OR8G1: variants seen among roughly 807,000 people sequenced by gnomAD.
OR8G1 encodes olfactory receptor family 8 subfamily G member 1, also known as olfactory receptor 8G1.
For synonymous variants in OR8G1, 129 were observed against 133.3 expected (o/e 0.97, Z 0.22); for missense variants, 372 against 356.2 (o/e 1.04, Z -0.36).
intron 2 of OR8G1, among the ~76,000 whole-genome samples, chr11:124,249,001 G>A (rs1231186460): frequency 1.3e-5 from 2 of 151,996 alleles, no homozygotes; most frequent in African/African-American, 4.8e-5. Context: ...GCAAACATAG[G>A]CACTTTGAGT....
intron 1 of OR8G1, among the ~76,000 whole-genome samples, chr11:124,245,583 G>C (rs376534558): frequency 7.0e-6 from 1 of 142,286 alleles, no homozygotes; most frequent in East Asian, 2.0e-4. Context: ...CCTGAGGAAT[G>C]GCCACACTGA....
chr11:124,244,794 A>T (rs1446364703), intron 1 of OR8G1, among the ~76,000 whole-genome samples: 1 of 151,826 alleles, frequency 6.6e-6, no homozygotes. Context: ...GCTAAATTGA[A>T]TTTTTTTCAT....
intron 1 of OR8G1, among the ~76,000 whole-genome samples, chr11:124,246,497 C>T (rs12269864): frequency 6.6e-5 from 10 of 151,646 alleles, no homozygotes; most frequent in African/African-American, 2.2e-4. Context: ...ATTACTAAAT[C>T]GTAATTGATA....
intron 1 of OR8G1, among the ~76,000 whole-genome samples, chr11:124,244,015 G>A (rs986631900): frequency 5.3e-5 from 8 of 149,998 alleles, no homozygotes; most frequent in Non-Finnish European, 8.9e-5. Flanking sequence ...AGAGAACAAG[G>A]AAAGGATGGA....
intron 2 of OR8G1, among the ~76,000 whole-genome samples, chr11:124,248,457 A>T (rs893537873): frequency 6.6e-6 from 1 of 151,658 alleles, no homozygotes; most frequent in Admixed American, 6.6e-5. Context: ...ATCTCAAAGA[A>T]TTTCTCTAGC....
In OR8G1 at chr11:124,253,354, G is replaced by A. The variant is rs770739953; in HGVS notation, c.*2743G>A. On this transcript the variant is annotated 3_prime_UTR_variant, in exon 3 of 3. Transcript: ENST00000641972. ...GAGTATTGCTTGGGTCCAGGAAGTT[G>A]GGGCTGCAGTGAGCCTTGATTGTGC... is the stretch of plus-strand genomic sequence containing the variant. 1 of 152,130 alleles carries A rather than the reference G, an allele frequency of 6.6e-6. No homozygotes were observed. The highest frequency in any genetic ancestry group is 6.5e-5 in the Admixed American group (1 of 15,268). 9.4% of individuals were successfully genotyped at this position (152,130 alleles called of 1,614,324 possible). A position where few individuals can be genotyped will look rare whatever the true frequency, so the allele number is the denominator to read the frequency against.
chr11:124,250,537 C>A lies in OR8G1; in HGVS notation c.862C>A (p.Leu288Met). Residue 288 changes from leucine to methionine, a missense_variant, in exon 3 of 3, where the codon CTG becomes ATG. Physicochemically the swap from Leu to Met is conservative, Grantham distance 15 (BLOSUM62 2). Coordinates refer to ENST00000641972, the MANE Select transcript of OR8G1 (RefSeq NM_001002905.2). ...TATTATTGTGCCCATGTTGAACCCT[C>A]TGATTTATAGCCTGAGGAATAAAGA... ...YTIIVPMLNP[L>M]IYSLRNKDVH... 2.6e-6 allele frequency: 3 copies of A among 1,173,056 alleles called. No individual in the cohort carries two copies. The highest frequency in any genetic ancestry group is 2.2e-5 in the South Asian group (1 of 45,290). The allele number at this position is 1,173,056 out of a possible 1,614,324, so 72.7% of individuals were successfully genotyped here. A position where few individuals can be genotyped will look rare whatever the true frequency, so the allele number is the denominator to read the frequency against.
rs1861887389 is a variant in OR8G1 at position 124,254,008 on chromosome 11, G to A, written c.*3397G>A. ...GAATAATGCTACAATAAACATGGGA[G>A]TGCAGATATTTCTTTGACGTGCTGA... is the stretch of plus-strand genomic sequence containing the variant. On this transcript the variant is annotated 3_prime_UTR_variant, in exon 3 of 3. Transcript: ENST00000641972. 6.6e-6 allele frequency: 1 copy of A among 152,168 alleles called. No individual in the cohort carries two copies. Among genetic ancestry groups the A allele is most frequent in the Non-Finnish European group, 1.5e-5 (1 of 68,020 alleles). 9.4% of individuals were successfully genotyped at this position (152,168 alleles called of 1,614,324 possible). A position where few individuals can be genotyped will look rare whatever the true frequency, so the allele number is the denominator to read the frequency against.
chr11:124,244,329 C>T (rs1861791364), intron 1 of OR8G1, among the ~76,000 whole-genome samples: 1 of 151,886 alleles, frequency 6.6e-6, no homozygotes, highest in Admixed American at 6.6e-5. Flanking sequence ...TTTTTACATT[C>T]ATCAATTTTT....
rs1861878432 is a variant in OR8G1 at position 124,252,988 on chromosome 11, C to G, written c.*2377C>G. On this transcript the variant is annotated 3_prime_UTR_variant, in exon 3 of 3. Transcript: ENST00000641972. ...GGAAGTGCTGGTAAAATTGAACCAC[C>G]ATTGCTCATACCAGCTTTTCAATAA... 6.6e-6 allele frequency: 1 copy of G among 152,148 alleles called. No individual in the cohort carries two copies. The highest frequency in any genetic ancestry group is 2.4e-5 in the African/African-American group (1 of 41,442). The allele number at this position is 152,148 out of a possible 1,614,324, so 9.4% of individuals were successfully genotyped here.
chr11:124,253,655 T>C lies in OR8G1; in HGVS notation c.*3044T>C, dbSNP rs1020778963. ...ATTACTATAGTTACCATTTATACAATAGTTTTTAACTTATTCCTTCTATCT... is the reference window on the plus strand; with the variant it reads ...ATTACTATAGTTACCATTTATACAACAGTTTTTAACTTATTCCTTCTATCT... On this transcript the variant is annotated 3_prime_UTR_variant, in exon 3 of 3. Transcript: ENST00000641972. 2 of 113,694 alleles carry C rather than the reference T, an allele frequency of 1.8e-5. No individual in the cohort carries two copies. Among genetic ancestry groups the C allele is most frequent in the Non-Finnish European group, 4.2e-5 (2 of 48,126 alleles). The allele number at this position is 113,694 out of a possible 1,614,324, so 7.0% of individuals were successfully genotyped here.
Position 124,254,304 on chromosome 11 carries a change from A to G in OR8G1, c.*3693A>G, listed in dbSNP as rs564679318. ...GATTTGTAATTTTGAACACTTTTTCATATACCTGTTGACCATTTTTATGTC... is the reference window on the plus strand; with the variant it reads ...GATTTGTAATTTTGAACACTTTTTCGTATACCTGTTGACCATTTTTATGTC... On this transcript the variant is annotated 3_prime_UTR_variant, in exon 3 of 3. Coordinates refer to ENST00000641972, the MANE Select transcript of OR8G1 (RefSeq NM_001002905.2). 3.3e-5 allele frequency: 5 copies of G among 152,246 alleles called. No homozygotes were observed. In the South Asian group the frequency reaches 1.0e-3, roughly 32 times the overall value. The allele number at this position is 152,246 out of a possible 1,614,324, so 9.4% of individuals were successfully genotyped here. A position where few individuals can be genotyped will look rare whatever the true frequency, so the allele number is the denominator to read the frequency against.
At chr11:124,244,408 C>T (rs1336673432) in intron 1 of OR8G1, among the ~76,000 whole-genome samples, 1 of 151,864 alleles carries the variant, frequency 6.6e-6, no homozygotes, top group Non-Finnish European at 1.5e-5. Flanking sequence ...AATTGATAAA[C>T]ACTGTTTGTG....
At chr11:124,244,120 G>A (rs915849110) in intron 1 of OR8G1, among the ~76,000 whole-genome samples, 2 of 151,196 alleles carry the variant, frequency 1.3e-5, no homozygotes. Flanking sequence ...GAGGGAGAGA[G>A]AGATGGAGAG....
Position 124,247,863 on chromosome 11 carries a change from C to T in OR8G1, c.-34C>T, listed in dbSNP as rs1861827385. 1.3e-5 allele frequency: 2 copies of T among 151,708 alleles called. No individual in the cohort carries two copies. Among genetic ancestry groups the T allele is most frequent in the Admixed American group, 6.6e-5 (1 of 15,186 alleles). The allele number at this position is 151,708 out of a possible 1,614,324, so 9.4% of individuals were successfully genotyped here. ...TTGTATAAATCTTCATGTAGACAAA[C>T]GTTTACATTTTTCTTGGGTAAGTAC... On this transcript the variant is annotated 5_prime_UTR_variant, in exon 2 of 3. In the 5' UTR this introduces an upstream ATG that the reference lacks. Transcript: ENST00000641972.
At position 124,250,508 on chromosome 11, in the gene OR8G1, A is replaced by T; in HGVS notation, c.833A>T (p.Tyr278Phe). 3 of 1,613,544 alleles carry T rather than the reference A, an allele frequency of 1.9e-6. No homozygotes were observed. The African/African-American group carries it at 4.0e-5, about 22-fold the overall frequency. ...CAGGGGAAAGTATCCTCTGTGTTTT[A>T]TACTATTATTGTGCCCATGTTGAAC... ...MDQGKVSSVF[Y>F]TIIVPMLNPL... Residue 278 changes from tyrosine to phenylalanine, a missense_variant, in exon 3 of 3, where the codon TAT becomes TTT. Physicochemically the swap from Tyr to Phe is conservative, Grantham distance 22. Transcript: ENST00000641972.
At position 124,250,287 on chromosome 11, in the gene OR8G1, A is replaced by G. The variant is rs78958767; in HGVS notation, c.612A>G (p.Ala204=). ...AACTACTTATTCTATGTGTTGGTGC[A>G]TTTAACATCCTTGTCCCCAGCCTGA... ...VNKLLILCVG[A]FNILVPSLTI... is the part of the protein sequence containing the mutation. Residue 204 remains alanine, a synonymous_variant, in exon 3 of 3, where the codon GCA becomes GCG. Transcript: ENST00000641972. 1.4e-3 allele frequency: 2,216 copies of G among 1,613,740 alleles called. 14 individuals are homozygous for G. In the African/African-American group the frequency reaches 0.025, roughly 18 times the overall value.
chr11:124,243,451 C>A (rs1242803930), intron 1 of OR8G1, among the ~76,000 whole-genome samples: 2 of 151,854 alleles, frequency 1.3e-5, no homozygotes. Context: ...GGAAACCATT[C>A]AAAAGTTGCA....
intron 1 of OR8G1, among the ~76,000 whole-genome samples, chr11:124,246,709 G>C (rs1861813983): frequency 6.6e-6 from 1 of 151,422 alleles, no homozygotes; most frequent in South Asian, 2.1e-4. Context: ...ACCCTCCAAA[G>C]ACAGACAACA....
Sources: allele counts gnomAD v4.1 joint callset (sites outside exome capture counted in the v4.1 genomes callset), GRCh38; gene constraint gnomAD v4.1.1; transcripts MANE v1.5; gene names NCBI Gene and HGNC (gene_info 2026-07-23, HGNC 2026-07-21).